TSHR: variants seen among roughly 807,000 people sequenced by gnomAD.
The protein encoded by TSHR is thyrotropin receptor.
In TSHR, 51 loss-of-function variants were observed where a neutral mutation model predicts 64.1. The observed-to-expected ratio is 0.80, with a 90% CI of 0.64 to 1.01. TSHR has a LOEUF of 1.01. Among genes scored for constraint, TSHR ranks in the 50% least tolerant of loss-of-function variants. The pLI is 0.00. For synonymous variants in TSHR, 361 were observed against 361.9 expected, an observed-to-expected ratio of 1.00 and a Z score of 0.03; for missense variants, 877 against 942.8, an observed-to-expected ratio of 0.93 and a Z score of 0.91.
chr14:81,101,181 C>T (rs911581458), intron 7 of TSHR, among the ~76,000 whole-genome samples: 1 of 152,134 alleles, frequency 6.6e-6, no homozygotes, highest in East Asian at 1.9e-4. Flanking sequence ...CAATATTACA[C>T]TACTGAAGAA....
chr14:81,104,230 T>G (rs1033370936), intron 7 of TSHR: 1 of 985,314 alleles, frequency 1.0e-6, no homozygotes, highest in African/African-American at 1.7e-5. Flanking sequence ...CAGCTTCTCT[T>G]TAAACTAACA....
intron 8 of TSHR, among the ~76,000 whole-genome samples, chr14:81,125,871 C>T (rs763983844): frequency 7.9e-5 from 12 of 151,794 alleles, no homozygotes; most frequent in South Asian, 4.2e-4. Context: ...CTAAGTCACA[C>T]GCTCACATCT....
intron 3 of TSHR, among the ~76,000 whole-genome samples, chr14:81,071,983 T>C (rs548345147): frequency 2.0e-3 from 307 of 152,272 alleles, no homozygotes; most frequent in Middle Eastern, 6.8e-3. Context: ...GGGAAACACA[T>C]AGGAAACACA....
chr14:81,108,192 T>C (rs1435386303), intron 7 of TSHR, among the ~76,000 whole-genome samples, 183 bp from the exon 8 acceptor site: 1 of 152,086 alleles, frequency 6.6e-6, no homozygotes, highest in Non-Finnish European at 1.5e-5. Context: ...TGTGTAAAAC[T>C]TTATACAATT....
chr14:81,028,125 G>A (rs1372609090), intron 1 of TSHR, among the ~76,000 whole-genome samples: 2 of 152,086 alleles, frequency 1.3e-5, no homozygotes, highest in East Asian at 3.8e-4. Context: ...ATCTTACAAA[G>A]TAACAAATTA....
chr14:81,084,220 A>G (rs910430553), intron 3 of TSHR, among the ~76,000 whole-genome samples: 2 of 152,210 alleles, frequency 1.3e-5, no homozygotes, highest in Non-Finnish European at 2.9e-5. Flanking sequence ...CAACAAAGAA[A>G]AAGAGCCTCG....
At chr14:80,997,503 T>C (rs918217964) in intron 1 of TSHR, among the ~76,000 whole-genome samples, 1 of 152,206 alleles carries the variant, frequency 6.6e-6, no homozygotes, top group Non-Finnish European at 1.5e-5. Flanking sequence ...ATTCCTGTAG[T>C]TGCCACATCA....
intron 1 of TSHR, among the ~76,000 whole-genome samples, chr14:80,961,357 G>A (rs1384617639): frequency 6.6e-6 from 1 of 152,182 alleles, no homozygotes; most frequent in African/African-American, 2.4e-5. Flanking sequence ...GTATAAGTGT[G>A]CTTGAGTATG....
intron 1 of TSHR, among the ~76,000 whole-genome samples, chr14:80,999,827 G>A (rs564184285): frequency 6.6e-6 from 1 of 151,968 alleles, no homozygotes; most frequent in East Asian, 1.9e-4. Flanking sequence ...ATAAAAACAA[G>A]CAATCTCCAA....
rs1889074067 is a variant in TSHR, at chr14:80,997,315, G to T, written c.170+41465G>T. ...TTAACCTTTATCATCCCCACCTCGG[G>T]ATAATTCTGTGAGCTAAACACGGAC... On this transcript the variant is annotated intron_variant, in intron 1 of 9. Coordinates refer to ENST00000298171, the MANE Select transcript of TSHR (RefSeq NM_000369.5). 2.0e-5 allele frequency among the ~76,000 whole-genome samples: 3 copies of T among 152,164 alleles called. No individual in the cohort carries two copies. In the South Asian group the frequency reaches 6.2e-4, roughly 32 times the overall value.
chr14:81,108,572 G>GT, intron 8 of TSHR, 120 bp downstream of exon 8: 1 of 1,612,408 alleles, frequency 6.2e-7, no homozygotes, highest in Non-Finnish European at 8.5e-7. Context: ...GCTGTCTCGG[G>GT]TAAAGGCTTC....
intron 1 of TSHR, among the ~76,000 whole-genome samples, chr14:81,005,753 A>G (rs1417649414): frequency 6.6e-6 from 1 of 152,194 alleles, no homozygotes; most frequent in Non-Finnish European, 1.5e-5. Flanking sequence ...GTTTTCGGGT[A>G]TGACGTCAGT....
intron 8 of TSHR, among the ~76,000 whole-genome samples, chr14:81,127,444 G>T (rs934624805): frequency 6.6e-6 from 1 of 152,140 alleles, no homozygotes; most frequent in Non-Finnish European, 1.5e-5. Flanking sequence ...TGTGTGTAGG[G>T]GTTGTGAGGT....
At chr14:80,984,365 T>C (rs949557874) in intron 1 of TSHR, among the ~76,000 whole-genome samples, 1 of 152,242 alleles carries the variant, frequency 6.6e-6, no homozygotes, top group African/African-American at 2.4e-5. Context: ...TGAGTGCCTA[T>C]TCTATGTCAG....
At position 81,092,528 on chromosome 14, in the gene TSHR, C is replaced by A. The variant is rs371708118; in HGVS notation, c.468-3C>A. The A allele has an allele frequency of 3.0e-5, 48 of 1,613,988 alleles. No individual in the cohort carries two copies. In the African/African-American group the frequency reaches 4.3e-4, roughly 14 times the overall value. On this transcript the variant is annotated splice_polypyrimidine_tract_variant and splice_region_variant and intron_variant, in intron 5 of 9. Coordinates refer to ENST00000298171, the MANE Select transcript of TSHR (RefSeq NM_000369.5). ...TAAGTGTTTTTGTCCCTCTCTCTTG[C>A]AGTGAAATTACAGACAACCCTTACA...
intron 7 of TSHR, chr14:81,104,075 G>A: frequency 1.0e-6 from 1 of 985,410 alleles, no homozygotes; most frequent in South Asian, 4.7e-5. Context: ...ATTTATCATG[G>A]GGTAAGTATT....
chr14:80,960,570 C>T (rs1404886198), intron 1 of TSHR, among the ~76,000 whole-genome samples: 1 of 151,798 alleles, frequency 6.6e-6, no homozygotes, highest in African/African-American at 2.4e-5. Context: ...TAATAATGAA[C>T]AATAAAATGT....
chr14:81,077,446 G>A (rs1404759895), intron 3 of TSHR, among the ~76,000 whole-genome samples: 3 of 152,082 alleles, frequency 2.0e-5, no homozygotes, highest in Admixed American at 6.5e-5. Context: ...AACCTTAATT[G>A]AGCATTTACC....
chr14:81,086,287 C>G (rs1888281035), intron 3 of TSHR, among the ~76,000 whole-genome samples: 1 of 152,150 alleles, frequency 6.6e-6, no homozygotes, highest in African/African-American at 2.4e-5. Flanking sequence ...TTATTATAGA[C>G]AGTAAGCTGT....
Sources: allele counts gnomAD v4.1 joint callset (sites outside exome capture counted in the v4.1 genomes callset), GRCh38; gene constraint gnomAD v4.1.1; transcripts MANE v1.5; gene names NCBI Gene and HGNC (gene_info 2026-07-23, HGNC 2026-07-21).